The following MBP variants were observed in gnomAD, a reference collection of about 807,000 sequenced individuals.
MBP encodes Golli-MBP.
MBP carries 16 observed loss-of-function variants against 35.8 expected under a neutral mutation model. The ratio of observed to expected loss-of-function variants is 0.45; its 90% CI spans 0.30 to 0.68. MBP has a LOEUF of 0.68. Ranked by LOEUF, MBP falls within the 30% of genes least tolerant of loss-of-function variation. MBP has a pLI of 0.08. For missense variants in MBP, 380 were observed against 404.7 expected, an observed-to-expected ratio of 0.94 and a Z score of 0.52; for synonymous variants, 143 against 159.6, an observed-to-expected ratio of 0.90 and a Z score of 0.78.
intron 4 of MBP, among the ~76,000 whole-genome samples, chr18:77,008,394 A>G (rs763182094): frequency 6.6e-6 from 1 of 152,140 alleles, no homozygotes; most frequent in Non-Finnish European, 1.5e-5. Flanking sequence ...ACCTGCGGGT[A>G]GTGGTGGTGT....
intron 4 of MBP, among the ~76,000 whole-genome samples, chr18:76,998,489 C>T (rs1021564704): frequency 6.6e-6 from 1 of 152,108 alleles, no homozygotes; most frequent in Non-Finnish European, 1.5e-5. Context: ...CCAGGCTCCC[C>T]GGAGCCACGC....
intron 3 of MBP, among the ~76,000 whole-genome samples, chr18:77,061,221 A>C (rs1443758943): frequency 2.0e-5 from 3 of 152,208 alleles, no homozygotes; most frequent in African/African-American, 7.2e-5. Flanking sequence ...TAACTATACA[A>C]AACTAATCTC....
intron 3 of MBP, among the ~76,000 whole-genome samples, chr18:77,029,792 A>G (rs1972473993): frequency 8.0e-6 from 1 of 125,754 alleles, no homozygotes; most frequent in African/African-American, 2.6e-5. Flanking sequence ...ACACACACAC[A>G]AACACACACA....
chr18:77,057,619 C>T (rs923999648), intron 3 of MBP, among the ~76,000 whole-genome samples: 1 of 152,164 alleles, frequency 6.6e-6, no homozygotes, highest in Non-Finnish European at 1.5e-5. Context: ...AATTTTACAT[C>T]GGAAATGACA....
At chr18:76,985,668 T>C in intron 7 of MBP, 1 of 1,047,952 alleles carries the variant, frequency 9.5e-7, no homozygotes, top group Admixed American at 5.0e-5. Flanking sequence ...GCGTCTCAGC[T>C]CCCCCACCTC....
rs941850307 is a variant in MBP, at chr18:77,066,464, CTT to C, written c.52-81_52-80del. On this transcript the variant is annotated intron_variant, in intron 2 of 8. Transcript: ENST00000355994. ...CAAAATAATTGTAATGCATTTGTCT[CTT>C]TATAAATTTTTTATCAGATAATCAG... 4 of 933,188 alleles carry C rather than the reference CTT, an allele frequency of 4.3e-6. No homozygotes were observed. The African/African-American group carries it at 4.9e-5, about 11-fold the overall frequency. The allele number at this position is 933,188 out of a possible 1,614,324, so 57.8% of individuals were successfully genotyped here. A position where few individuals can be genotyped will look rare whatever the true frequency, so the allele number is the denominator to read the frequency against.
chr18:77,052,099 C>T (rs560481570), intron 3 of MBP, among the ~76,000 whole-genome samples: 1 of 152,286 alleles, frequency 6.6e-6, no homozygotes, highest in Admixed American at 6.5e-5. Flanking sequence ...CGAGACTGTG[C>T]CCTCTGAGCC....
intron 1 of MBP, among the ~76,000 whole-genome samples, chr18:77,119,523 C>T (rs569359435): frequency 1.3e-5 from 2 of 152,284 alleles, no homozygotes; most frequent in East Asian, 1.9e-4. Flanking sequence ...ACAGTAGGCA[C>T]ACAGCAAGTG....
chr18:76,997,654 T>A (rs930152507), intron 4 of MBP, among the ~76,000 whole-genome samples: 3 of 151,930 alleles, frequency 2.0e-5, no homozygotes, highest in African/African-American at 7.3e-5. Flanking sequence ...GGGGACTGCG[T>A]GGCCCGCGTG....
At chr18:77,003,161 C>CA (rs1970728117) in intron 4 of MBP, 1 of 152,184 alleles carries the variant, frequency 6.6e-6, no homozygotes, top group South Asian at 2.1e-4. Flanking sequence ...GTAATTAAAA[C>CA]AAAGGGCCCA....
At chr18:77,116,333 G>A (rs1258661320) in intron 1 of MBP, among the ~76,000 whole-genome samples, 1 of 152,234 alleles carries the variant, frequency 6.6e-6, no homozygotes. Flanking sequence ...TGGGCATGCA[G>A]CATTTTACCG....
At chr18:77,073,817 C>T (rs889825355) in intron 2 of MBP, among the ~76,000 whole-genome samples, 1 of 152,240 alleles carries the variant, frequency 6.6e-6, no homozygotes, top group Admixed American at 6.5e-5. Flanking sequence ...CTTCAGCCAG[C>T]TCGATGGGTG....
chr18:76,991,730 A>G (rs1285789326), intron 4 of MBP, among the ~76,000 whole-genome samples: 1 of 152,216 alleles, frequency 6.6e-6, no homozygotes, highest in African/African-American at 2.4e-5. Flanking sequence ...CTCTGGCCCC[A>G]GGCATGCTGG....
intron 3 of MBP, among the ~76,000 whole-genome samples, chr18:77,021,731 C>A (rs1315908983): frequency 2.6e-5 from 4 of 152,170 alleles, no homozygotes; most frequent in Non-Finnish European, 5.9e-5. Context: ...GATCCACCTG[C>A]CTCGGCCCCG....
intron 3 of MBP, chr18:77,065,866 T>C (rs1254716252): frequency 6.3e-6 from 1 of 159,506 alleles, no homozygotes; most frequent in Admixed American, 6.2e-5. Context: ...GCCGACATTT[T>C]AATTTTTTTT....
intron 1 of MBP, chr18:77,113,395 G>A (rs1047342323): frequency 4.6e-5 from 7 of 152,360 alleles, no homozygotes; most frequent in Non-Finnish European, 7.3e-5. Flanking sequence ...TGAAGACAGA[G>A]CCTCCTGCAG....
At position 77,131,282 on chromosome 18, in the gene MBP, C is replaced by T. The variant is rs1334791977; in HGVS notation, c.-26+1298G>A. On this transcript the variant is annotated intron_variant, in intron 1 of 8. Transcript: ENST00000355994. This position sits in a 1 kb window ranked among gnomAD's most constrained non-coding sequence, Gnocchi z 5.5. ...CAGTGCGGGACCTGCTCAATCCATA[C>T]GGTCCCCTGACTTGAGGGTGACCGT... is the stretch of plus-strand genomic sequence containing the variant. Among the ~76,000 whole-genome samples, 1 of 152,142 alleles carries T rather than the reference C, an allele frequency of 6.6e-6. No homozygotes were observed.
chr18:77,008,151 G>T (rs1196078943), intron 4 of MBP, among the ~76,000 whole-genome samples: 3 of 152,148 alleles, frequency 2.0e-5, no homozygotes, highest in African/African-American at 7.2e-5. Context: ...CACACTGGGT[G>T]CTGTGCCACC....
chr18:77,044,640 G>A lies in MBP; in HGVS notation c.139+21658C>T, dbSNP rs1321856881. On this transcript the variant is annotated intron_variant, in intron 3 of 8. Coordinates refer to ENST00000355994, the MANE Select transcript of MBP (RefSeq NM_001025101.2). This position sits in a 1 kb window ranked among gnomAD's most constrained non-coding sequence, Gnocchi z 4.4. ...CGGTCACACCCTTCCATCCCGTGTG[G>A]TGCTGAGCCCCTCACACACACGAGG... Among the ~76,000 whole-genome samples, 1 of 152,124 alleles carries A rather than the reference G, an allele frequency of 6.6e-6. No individual in the cohort carries two copies. The highest frequency in any genetic ancestry group is 1.5e-5 in the Non-Finnish European group (1 of 68,028).
Sources: gnomAD v4.1 joint callset for allele counts (sites outside exome capture counted in the v4.1 genomes callset) on GRCh38, gnomAD v4.1.1 for gene constraint, Gnocchi (gnomAD v3.1) non-coding constraint, MANE v1.5 for transcripts, NCBI Gene and HGNC (gene_info 2026-07-23, HGNC 2026-07-21) for gene names.